KIRREL3: variants seen among roughly 807,000 people sequenced by gnomAD.
KIRREL3 encodes kin of IRRE-like protein 3.
A neutral mutation model predicts 89.7 loss-of-function variants in KIRREL3; 36 were observed. The observed-to-expected ratio is 0.40, with a 90% CI of 0.31 to 0.53. The LOEUF (loss-of-function observed/expected upper bound fraction) is 0.53. KIRREL3 is among the 20% of genes least tolerant of loss of function. KIRREL3 has a pLI of 0.49. For missense variants in KIRREL3, 864 were observed against 1,056.6 expected, an observed-to-expected ratio of 0.82 and a Z score of 2.53; for synonymous variants, 445 against 441.4, an observed-to-expected ratio of 1.01 and a Z score of -0.10.
rs1950196899 is a variant in KIRREL3, at chr11:126,997,015, C to T, written c.55+3440G>A. On this transcript the variant is annotated intron_variant, in intron 1 of 16. Transcript: ENST00000525144. The surrounding 1 kb of genome is among the most constrained non-coding windows in gnomAD (Gnocchi z 4.3). ...GTTCTTGCCACTGTGGCTCCCCTGT[C>T]TATCTCCCCTGTCTCCGAGGTGGAG... Among the ~76,000 whole-genome samples the T allele has an allele frequency of 6.6e-6, 1 of 152,142 alleles. No homozygotes were observed. Among genetic ancestry groups the T allele is most frequent in the Non-Finnish European group, 1.5e-5 (1 of 68,026 alleles).
In KIRREL3 at chr11:126,612,055, G is replaced by A. The variant is rs556765549; in HGVS notation, c.56-49143C>T. 2.0e-4 allele frequency among the ~76,000 whole-genome samples: 30 copies of A among 152,276 alleles called. No homozygotes were observed. Among genetic ancestry groups the A allele is most frequent in the Admixed American group, 1.7e-3 (26 of 15,296 alleles). Reference sequence around the variant, plus strand: ...CCTGTGCATCTCCTTCACAACTCACGTCACTGATGGACTTACGCAGTTGGG... The same window carrying A: ...CCTGTGCATCTCCTTCACAACTCACATCACTGATGGACTTACGCAGTTGGG... On this transcript the variant is annotated intron_variant, in intron 1 of 16. Coordinates refer to ENST00000525144, the MANE Select transcript of KIRREL3 (RefSeq NM_032531.4). This position sits in a 1 kb window ranked among gnomAD's most constrained non-coding sequence, Gnocchi z 4.5.
rs544158058 is a variant in KIRREL3, at chr11:126,515,401, A to G, written c.433+5914T>C. Among the ~76,000 whole-genome samples, 16 of 152,264 alleles carry G rather than the reference A, an allele frequency of 1.1e-4. No individual in the cohort carries two copies. In the South Asian group the frequency reaches 2.9e-3, roughly 28 times the overall value. On this transcript the variant is annotated intron_variant, in intron 4 of 16. Coordinates refer to ENST00000525144, the MANE Select transcript of KIRREL3 (RefSeq NM_032531.4). The surrounding 1 kb of genome is among the most constrained non-coding windows in gnomAD (Gnocchi z 4.2). ...GGAGGTCGAGGCTGCAGTGAGCCAT[A>G]ATAGTGCCACTGCACTTCAGTCTGG...
rs61426707 is a variant in KIRREL3, at chr11:126,972,168, T to TAGAGAGAGAGAGAGAGAGAGAGAGAG, written c.55+28261_55+28286dup. ...CTGGTGCCTATGCAAGAGGGTCTGG[T>TAGAGAGAGAGAGAGAGAGAGAGAGAG]AGAGAGAGAGAGAGAGAGAGAGAGA... On this transcript the variant is annotated intron_variant, in intron 1 of 16. Coordinates refer to ENST00000525144, the MANE Select transcript of KIRREL3 (RefSeq NM_032531.4). 1.1e-3 allele frequency among the ~76,000 whole-genome samples: 133 copies of TAGAGAGAGAGAGAGAGAGAGAGAGAG among 119,892 alleles called. 7 individuals carry two copies. Among genetic ancestry groups the TAGAGAGAGAGAGAGAGAGAGAGAGAG allele is most frequent in the East Asian group, 1.5e-3 (7 of 4,626 alleles). 78.7% of individuals were successfully genotyped at this position (119,892 alleles called of 152,430 possible). A position where few individuals can be genotyped will look rare whatever the true frequency, so the allele number is the denominator to read the frequency against.
intron 1 of KIRREL3, among the ~76,000 whole-genome samples, chr11:126,930,467 G>A (rs553933863): frequency 1.3e-4 from 20 of 152,244 alleles, no homozygotes; most frequent in Non-Finnish European, 2.2e-4. Flanking sequence ...GCCCTACTGC[G>A]GAGGTAGCTG....
chr11:126,853,693 T>C (rs922907194), intron 1 of KIRREL3, among the ~76,000 whole-genome samples: 1 of 152,026 alleles, frequency 6.6e-6, no homozygotes, highest in African/African-American at 2.4e-5. Context: ...TATGGAGTTA[T>C]AACAATTCTG....
rs1157520243 is a variant in KIRREL3, at chr11:126,905,110, T to C, written c.55+95345A>G. 1.3e-5 allele frequency among the ~76,000 whole-genome samples: 2 copies of C among 152,158 alleles called. No homozygotes were observed. Among genetic ancestry groups the C allele is most frequent in the Admixed American group, 6.5e-5 (1 of 15,278 alleles). On this transcript the variant is annotated intron_variant, in intron 1 of 16. Transcript: ENST00000525144. The surrounding 1 kb of genome is among the most constrained non-coding windows in gnomAD (Gnocchi z 5.0). ...GTTGGTGTCTATGAAGACAGCTGTG[T>C]GTCATCAACAGAAGGTTCTCATACC... is the stretch of plus-strand genomic sequence containing the variant.
chr11:126,998,258 G>T (rs1950228289), intron 1 of KIRREL3, among the ~76,000 whole-genome samples: 1 of 152,202 alleles, frequency 6.6e-6, no homozygotes, highest in East Asian at 1.9e-4. Context: ...CAAGGCAAAA[G>T]ATAACCATAT....
intron 1 of KIRREL3, among the ~76,000 whole-genome samples, chr11:126,910,192 T>C (rs1347770943): frequency 6.6e-6 from 1 of 152,114 alleles, no homozygotes; most frequent in Non-Finnish European, 1.5e-5. Flanking sequence ...AAAAGACTAA[T>C]CTCAGGACTT....
chr11:126,434,726 C>CT (rs1021621909), intron 13 of KIRREL3, among the ~76,000 whole-genome samples: 1 of 152,210 alleles, frequency 6.6e-6, no homozygotes, highest in Non-Finnish European at 1.5e-5. Flanking sequence ...GAGGGAGGCG[C>CT]TGCCCTGCAG....
rs1445568391 is a variant in KIRREL3, at chr11:126,454,235, G to A, written c.848+2114C>T. Among the ~76,000 whole-genome samples, 1 of 151,714 alleles carries A rather than the reference G, an allele frequency of 6.6e-6. No individual in the cohort carries two copies. The highest frequency in any genetic ancestry group is 1.5e-5 in the Non-Finnish European group (1 of 67,960). ...CCCTGGGAATCAGGCCCAGCACTTC[G>A]TTTCCTGGGTGTTTGCTGTCCGGGT... On this transcript the variant is annotated intron_variant, in intron 7 of 16. Transcript: ENST00000525144. This position sits in a 1 kb window ranked among gnomAD's most constrained non-coding sequence, Gnocchi z 5.8.
rs1469957996 is a variant in KIRREL3 at position 126,811,566 on chromosome 11, C to T, written c.55+188889G>A. 2.0e-5 allele frequency among the ~76,000 whole-genome samples: 3 copies of T among 152,164 alleles called. No homozygotes were observed. The highest frequency in any genetic ancestry group is 4.8e-5 in the African/African-American group (2 of 41,446). On this transcript the variant is annotated intron_variant, in intron 1 of 16. Transcript: ENST00000525144. This position sits in a 1 kb window ranked among gnomAD's most constrained non-coding sequence, Gnocchi z 4.3. ...CTGACCCTTCCCTCACAGCATGCAA[C>T]GTTAGCAATGAACTTCTTTTTTTTC...
chr11:126,749,293 C>T (rs1255250528), intron 1 of KIRREL3, among the ~76,000 whole-genome samples: 1 of 152,172 alleles, frequency 6.6e-6, no homozygotes, highest in Non-Finnish European at 1.5e-5. Context: ...GACTCTCTCG[C>T]TTTCTCCCGA....
chr11:126,874,879 A>T (rs1945222524), intron 1 of KIRREL3, among the ~76,000 whole-genome samples: 2 of 152,150 alleles, frequency 1.3e-5, no homozygotes, highest in South Asian at 4.1e-4. Flanking sequence ...TGACTAAGAC[A>T]TACAGGCCTA....
chr11:126,781,857 T>G lies in KIRREL3; in HGVS notation c.55+218598A>C, dbSNP rs146952519. ...AAATGACCTTATTCATTGGTAGAAA[T>G]AGGGGCCACTTATACGATAGATTTT... On this transcript the variant is annotated intron_variant, in intron 1 of 16. Coordinates refer to ENST00000525144, the MANE Select transcript of KIRREL3 (RefSeq NM_032531.4). Among the ~76,000 whole-genome samples the G allele has an allele frequency of 7.5e-3, 1,136 of 152,312 alleles. 11 individuals are homozygous for G. The highest frequency in any genetic ancestry group is 0.024 in the South Asian group (118 of 4,820).
chr11:126,779,184 T>C (rs1054288473), intron 1 of KIRREL3, among the ~76,000 whole-genome samples: 3 of 152,216 alleles, frequency 2.0e-5, no homozygotes, highest in Non-Finnish European at 4.4e-5. Flanking sequence ...CTCCTCATTG[T>C]CCATACATGG....
intron 1 of KIRREL3, among the ~76,000 whole-genome samples, chr11:126,626,300 A>G (rs575039764): frequency 3.0e-4 from 46 of 152,372 alleles, no homozygotes; most frequent in African/African-American, 1.0e-3. Flanking sequence ...CCCTGAGAAC[A>G]TATGCAAACA....
At chr11:126,968,786 C>G (rs185141515) in intron 1 of KIRREL3, among the ~76,000 whole-genome samples, 1 of 152,140 alleles carries the variant, frequency 6.6e-6, no homozygotes, top group African/African-American at 2.4e-5. Context: ...ATCAGGAACT[C>G]TACAGGATGG....
chr11:126,432,041 G>C lies in KIRREL3; in HGVS notation c.1589-515C>G, dbSNP rs1955153297. Among the ~76,000 whole-genome samples, 1 of 152,140 alleles carries C rather than the reference G, an allele frequency of 6.6e-6. No individual in the cohort carries two copies. The highest frequency in any genetic ancestry group is 1.5e-5 in the Non-Finnish European group (1 of 68,020). On this transcript the variant is annotated intron_variant, in intron 13 of 16. Transcript: ENST00000525144. This position sits in a 1 kb window ranked among gnomAD's most constrained non-coding sequence, Gnocchi z 6.2. ...GACATCCGGCTCTTAGTGTTTGCAGGTCTAAGTAGCTTCCCCGCAGGTCTG... is the reference window on the plus strand; with the variant it reads ...GACATCCGGCTCTTAGTGTTTGCAGCTCTAAGTAGCTTCCCCGCAGGTCTG...
chr11:126,436,223 G>A (rs1216963435), intron 12 of KIRREL3, among the ~76,000 whole-genome samples: 1 of 152,136 alleles, frequency 6.6e-6, no homozygotes, highest in African/African-American at 2.4e-5. Context: ...AGGGGTCCAT[G>A]TGCCTCCTGG....
Sources: allele counts gnomAD v4.1 joint callset (sites outside exome capture counted in the v4.1 genomes callset), GRCh38; gene constraint gnomAD v4.1.1; non-coding constraint Gnocchi (gnomAD v3.1); transcripts MANE v1.5; gene names NCBI Gene and HGNC (gene_info 2026-07-23, HGNC 2026-07-21).